FNDC1: variants seen among roughly 807,000 people sequenced by gnomAD.
The protein encoded by FNDC1 is fibronectin type III domain containing 1, also known as fibronectin type III domain-containing protein 1.
FNDC1 carries 96 observed loss-of-function variants against 168.0 expected under a neutral mutation model. That is an observed-to-expected ratio of 0.57 (90% CI 0.48 to 0.68). The LOEUF (loss-of-function observed/expected upper bound fraction) is 0.68, where lower values mean the gene tolerates loss of function less well. Ranked by LOEUF, FNDC1 falls within the 30% of genes least tolerant of loss-of-function variation. The pLI is 0.00. For synonymous variants in FNDC1, 1,099 were observed against 1,025.9 expected (o/e 1.07, Z -1.36); for missense variants, 2,587 against 2,482.1 (o/e 1.04, Z -0.90).
intron 15 of FNDC1, among the ~76,000 whole-genome samples, chr6:159,247,880 C>T (rs1392677921): frequency 6.6e-6 from 1 of 152,140 alleles, no homozygotes; most frequent in Non-Finnish European, 1.5e-5. Context: ...TGGAAGTTGC[C>T]TCTGCAGTTG....
intron 20 of FNDC1, among the ~76,000 whole-genome samples, chr6:159,265,798 T>G (rs571869918): frequency 6.6e-6 from 1 of 152,168 alleles, no homozygotes; most frequent in East Asian, 1.9e-4. Context: ...TGTGGTGGCG[T>G]GCACCTGTAA....
intron 17 of FNDC1, among the ~76,000 whole-genome samples, chr6:159,255,584 CA>C (rs1413205336): frequency 2.0e-5 from 3 of 152,188 alleles, no homozygotes; most frequent in African/African-American, 7.2e-5. Context: ...AGTTGCACAA[CA>C]AATATTTGTT....
chr6:159,192,860 G>A (rs1298013994), intron 1 of FNDC1, among the ~76,000 whole-genome samples: 1 of 152,134 alleles, frequency 6.6e-6, no homozygotes, highest in African/African-American at 2.4e-5. Context: ...GGGAGGGAGG[G>A]GAGGTCTGGG....
chr6:159,222,431 A>T (rs543680871), intron 6 of FNDC1, among the ~76,000 whole-genome samples: 2 of 152,326 alleles, frequency 1.3e-5, no homozygotes, highest in East Asian at 3.9e-4. Context: ...AGCAGGCTAA[A>T]TATTTTCACC....
At chr6:159,173,933 G>T (rs545343202) in intron 1 of FNDC1, among the ~76,000 whole-genome samples, 2 of 152,180 alleles carry the variant, frequency 1.3e-5, no homozygotes, top group Non-Finnish European at 2.9e-5. Context: ...AGGGATGAGG[G>T]GGGCAGGGAG....
intron 5 of FNDC1, among the ~76,000 whole-genome samples, chr6:159,217,157 G>A (rs1035691560): frequency 2.0e-5 from 3 of 152,244 alleles, no homozygotes; most frequent in South Asian, 2.1e-4. Context: ...GATGGGCAGT[G>A]TGACTGAGAT....
At chr6:159,181,671 G>T (rs1381422060) in intron 1 of FNDC1, among the ~76,000 whole-genome samples, 4 of 152,176 alleles carry the variant, frequency 2.6e-5, no homozygotes, top group Non-Finnish European at 4.4e-5. Flanking sequence ...TATGTCTGAG[G>T]ACCTTGCCTG....
At chr6:159,179,914 T>C (rs1781844591) in intron 1 of FNDC1, among the ~76,000 whole-genome samples, 1 of 152,216 alleles carries the variant, frequency 6.6e-6, no homozygotes, top group Admixed American at 6.5e-5. Flanking sequence ...TGTGGGACAG[T>C]GCCCTGCTTC....
chr6:159,192,194 A>T (rs1583859913), intron 1 of FNDC1, among the ~76,000 whole-genome samples: 2 of 152,002 alleles, frequency 1.3e-5, no homozygotes, highest in African/African-American at 4.8e-5. Flanking sequence ...TGCTCTTATA[A>T]CCACCCCTGC....
At chr6:159,219,356 T>C (rs1782773672) in intron 5 of FNDC1, among the ~76,000 whole-genome samples, 1 of 152,210 alleles carries the variant, frequency 6.6e-6, no homozygotes, top group Admixed American at 6.5e-5. Context: ...CCCCTCTTTA[T>C]TCAGTAATCA....
chr6:159,227,948 A>T (rs1782987833), intron 9 of FNDC1, among the ~76,000 whole-genome samples: 1 of 152,234 alleles, frequency 6.6e-6, no homozygotes, highest in African/African-American at 2.4e-5. Flanking sequence ...GCTTTAAATC[A>T]TTCTTTTTAC....
At chr6:159,244,179 GAA>G (rs2115006405) in intron 14 of FNDC1, among the ~76,000 whole-genome samples, 2 of 152,324 alleles carry the variant, frequency 1.3e-5, no homozygotes, top group East Asian at 3.9e-4. Flanking sequence ...ACAAGGGAAA[GAA>G]AATGGTAGGC....
Position 159,219,046 on chromosome 6 carries a change from CT to C in FNDC1, c.668-2540del, listed in dbSNP as rs11435161. 1.9e-3 allele frequency among the ~76,000 whole-genome samples: 275 copies of C among 146,624 alleles called. 2 individuals are homozygous for C. Among genetic ancestry groups the C allele is most frequent in the African/African-American group, 4.5e-3 (181 of 39,932 alleles). ...CATTTTGGGAATTTCAGTTTCCCCT[CT>C]TTTTTTTTTTTGTGACAGGGTCTTG... On this transcript the variant is annotated intron_variant, in intron 5 of 22. Coordinates refer to ENST00000297267, the MANE Select transcript of FNDC1 (RefSeq NM_032532.3).
intron 2 of FNDC1, 63 bp downstream of exon 2, chr6:159,197,688 A>T (rs1782280010): frequency 6.9e-7 from 1 of 1,439,148 alleles, no homozygotes; most frequent in South Asian, 1.3e-5. Flanking sequence ...TCTCAGTTGC[A>T]TTCTTAGGAT....
intron 4 of FNDC1, among the ~76,000 whole-genome samples, chr6:159,204,747 A>C (rs1329884595): frequency 1.3e-5 from 2 of 152,196 alleles, no homozygotes; most frequent in Non-Finnish European, 2.9e-5. Flanking sequence ...GAGTTACAAC[A>C]GCTTGTCAGA....
At chr6:159,194,869 C>T (rs1017769926) in intron 1 of FNDC1, among the ~76,000 whole-genome samples, 1 of 152,048 alleles carries the variant, frequency 6.6e-6, no homozygotes, top group African/African-American at 2.4e-5. Context: ...TCTGGGTCTC[C>T]TGTTTGTCTT....
At chr6:159,173,896 T>C (rs1280965300) in intron 1 of FNDC1, among the ~76,000 whole-genome samples, 1 of 152,188 alleles carries the variant, frequency 6.6e-6, no homozygotes, top group Non-Finnish European at 1.5e-5. Context: ...AGGACATCTT[T>C]GGGGGATCAT....
At position 159,249,068 on chromosome 6, in the gene FNDC1, A is replaced by G. The variant is rs7763726; in HGVS notation, c.4720A>G (p.Thr1574Ala). ...TGAATTTGAGACGTCAAGGCCACCA[A>G]CCACCACTGAGCCTTCGACCACTGC... ...DYEFETSRPP[T>A]TTEPSTTATT... Residue 1574 changes from threonine to alanine, a missense_variant, in exon 16 of 23, where the codon ACC (threonine) becomes GCC (alanine). Thr to Ala is a moderately conservative substitution (Grantham distance 58). Coordinates refer to ENST00000297267, the MANE Select transcript of FNDC1 (RefSeq NM_032532.3). The G allele has an allele frequency of 0.055, 87,831 of 1,602,802 alleles. 5,024 individuals carry two copies. Among genetic ancestry groups the G allele is most frequent in the East Asian group, 0.32 (14,347 of 44,488 alleles).
chr6:159,267,971 A>T (rs1777624202), intron 22 of FNDC1, 45 bp downstream of exon 22: 1 of 1,579,006 alleles, frequency 6.3e-7, no homozygotes, highest in Non-Finnish European at 8.6e-7. Flanking sequence ...GAGGTGGGAG[A>T]CAAGGATTAA....
Sources: gnomAD v4.1 joint callset for allele counts (sites outside exome capture counted in the v4.1 genomes callset) on GRCh38, gnomAD v4.1.1 for gene constraint, MANE v1.5 for transcripts, NCBI Gene and HGNC (gene_info 2026-07-23, HGNC 2026-07-21) for gene names.